The following DACH1 variants were observed in gnomAD, a reference collection of about 807,000 sequenced individuals.
The protein encoded by DACH1 is dachshund family transcription factor 1, also known as dachshund homolog 1.
Under a neutral mutation model 54.2 loss-of-function variants are expected in DACH1, and 12 were observed. The ratio of observed to expected loss-of-function variants is 0.22; its 90% CI spans 0.14 to 0.36. The LOEUF (loss-of-function observed/expected upper bound fraction) is 0.36, where lower values mean the gene tolerates loss of function less well. Among genes scored for constraint, DACH1 ranks in the 10% least tolerant of loss-of-function variants. The pLI, the probability that DACH1 is intolerant of heterozygous loss-of-function variation, is 1.00. For synonymous variants in DACH1, 386 were observed against 366.2 expected (o/e 1.05, Z -0.62); for missense variants, 805 against 929.8 (o/e 0.87, Z 1.75).
chr13:71,826,218 G>A (rs1172695086), intron 1 of DACH1, among the ~76,000 whole-genome samples: 1 of 151,954 alleles, frequency 6.6e-6, no homozygotes, highest in Non-Finnish European at 1.5e-5. Flanking sequence ...TCCTAATCCT[G>A]ATTCTGTATG....
chr13:71,858,905 C>T (rs903618038), intron 1 of DACH1, among the ~76,000 whole-genome samples: 1 of 151,670 alleles, frequency 6.6e-6, no homozygotes, highest in Admixed American at 6.6e-5. Context: ...CTCTCTCTCT[C>T]TCTCTCTCTC....
At chr13:71,759,205 T>G (rs1294856734) in intron 1 of DACH1, among the ~76,000 whole-genome samples, 1 of 151,964 alleles carries the variant, frequency 6.6e-6, no homozygotes, top group East Asian at 1.9e-4. Flanking sequence ...TTAACTATTT[T>G]TGTCCCTAAA....
At chr13:71,615,057 G>A (rs181908136) in intron 3 of DACH1, among the ~76,000 whole-genome samples, 1 of 151,392 alleles carries the variant, frequency 6.6e-6, no homozygotes, top group African/African-American at 2.4e-5. Flanking sequence ...TATATCCCAG[G>A]AAATAATCAA....
intron 1 of DACH1, among the ~76,000 whole-genome samples, chr13:71,716,066 C>G (rs1882951687): frequency 6.6e-6 from 1 of 151,988 alleles, no homozygotes; most frequent in African/African-American, 2.4e-5. Context: ...CATTACATAT[C>G]TCAGAAAATA....
chr13:71,680,893 A>G (rs1186893290), intron 2 of DACH1, among the ~76,000 whole-genome samples: 1 of 152,086 alleles, frequency 6.6e-6, no homozygotes, highest in Non-Finnish European at 1.5e-5. Flanking sequence ...AGAAAAATAC[A>G]ATACTGATAC....
chr13:71,632,416 A>ATT (rs34080454), intron 2 of DACH1, among the ~76,000 whole-genome samples: 26 of 124,680 alleles, frequency 2.1e-4, no homozygotes, highest in South Asian at 7.4e-4. Context: ...AACCCCACCC[A>ATT]TTTTTTTTTT....
intron 10 of DACH1, among the ~76,000 whole-genome samples, chr13:71,447,240 G>A (rs754987177): frequency 1.3e-5 from 2 of 152,116 alleles, no homozygotes; most frequent in Non-Finnish European, 2.9e-5. Context: ...ATGGATCTCA[G>A]ATTTTAATAC....
At chr13:71,625,611 G>A (rs546993801) in intron 3 of DACH1, among the ~76,000 whole-genome samples, 1 of 151,820 alleles carries the variant, frequency 6.6e-6, no homozygotes, top group Non-Finnish European at 1.5e-5. Flanking sequence ...TGAAGGTGAC[G>A]GCTTTATTCT....
intron 7 of DACH1, among the ~76,000 whole-genome samples, chr13:71,484,284 C>T (rs1406927358): frequency 6.6e-6 from 1 of 152,172 alleles, no homozygotes; most frequent in Non-Finnish European, 1.5e-5. Flanking sequence ...GCCTCATCCT[C>T]ATGAATATTA....
chr13:71,677,657 A>G (rs1005822694), intron 2 of DACH1, among the ~76,000 whole-genome samples: 3 of 152,160 alleles, frequency 2.0e-5, no homozygotes, highest in African/African-American at 7.2e-5. Context: ...CCAATGTTCA[A>G]TTCTTGAAAA....
Position 71,799,630 on chromosome 13 carries a change from T to C in DACH1, c.848+66292A>G, listed in dbSNP as rs956898552. Among the ~76,000 whole-genome samples, 3 of 152,104 alleles carry C rather than the reference T, an allele frequency of 2.0e-5. No individual in the cohort carries two copies. In the East Asian group the frequency reaches 5.8e-4, roughly 29 times the overall value. ...TGGCAAGAAAAGAACAGTAGGTTCATTCGGCACCCTGACTGGCATTTCTAT... is the reference window on the plus strand; with the variant it reads ...TGGCAAGAAAAGAACAGTAGGTTCACTCGGCACCCTGACTGGCATTTCTAT... On this transcript the variant is annotated intron_variant, in intron 1 of 10. Coordinates refer to ENST00000613252, the MANE Select transcript of DACH1 (RefSeq NM_080759.6).
chr13:71,855,117 A>G (rs554283173), intron 1 of DACH1, among the ~76,000 whole-genome samples: 49 of 152,208 alleles, frequency 3.2e-4, no homozygotes, highest in Admixed American at 5.2e-4. Flanking sequence ...TTGATTTAGT[A>G]TAATTATTAT....
intron 1 of DACH1, among the ~76,000 whole-genome samples, chr13:71,703,569 T>C (rs1435976464): frequency 2.0e-5 from 3 of 152,332 alleles, no homozygotes; most frequent in African/African-American, 7.2e-5. Context: ...ATAAATAACA[T>C]AATTATTTTT....
At chr13:71,784,664 A>G (rs1886518637) in intron 1 of DACH1, among the ~76,000 whole-genome samples, 1 of 152,066 alleles carries the variant, frequency 6.6e-6, no homozygotes, top group East Asian at 1.9e-4. Context: ...CCTTTTCTTT[A>G]TATATTAGAA....
At position 71,823,606 on chromosome 13, in the gene DACH1, T is replaced by C. The variant is rs572251781; in HGVS notation, c.848+42316A>G. 2.0e-5 allele frequency among the ~76,000 whole-genome samples: 3 copies of C among 152,120 alleles called. No individual in the cohort carries two copies. In the South Asian group the frequency reaches 6.2e-4, roughly 32 times the overall value. Reference sequence around the variant, plus strand: ...AAAGTCATTTAGCATATATCACAGATAGCCAAAGGTAGCATTAAACATAAG... The same window carrying C: ...AAAGTCATTTAGCATATATCACAGACAGCCAAAGGTAGCATTAAACATAAG... On this transcript the variant is annotated intron_variant, in intron 1 of 10. Transcript: ENST00000613252.
chr13:71,553,075 T>C, intron 6 of DACH1, among the ~76,000 whole-genome samples: 1 of 146,586 alleles, frequency 6.8e-6, no homozygotes, highest in Admixed American at 6.9e-5. Flanking sequence ...CATATATATA[T>C]GTGGGATTAG....
chr13:71,502,157 C>T (rs1406949766), intron 6 of DACH1, among the ~76,000 whole-genome samples: 11 of 152,144 alleles, frequency 7.2e-5, no homozygotes, highest in African/African-American at 1.7e-4. Flanking sequence ...AGAGATTTTC[C>T]ATTTCACTCC....
intron 3 of DACH1, among the ~76,000 whole-genome samples, chr13:71,583,576 C>T (rs984088033): frequency 9.2e-5 from 14 of 152,172 alleles, no homozygotes; most frequent in African/African-American, 2.9e-4. Context: ...GGCACAGTGG[C>T]TTACATCTGT....
At chr13:71,645,937 G>A (rs1878233474) in intron 2 of DACH1, among the ~76,000 whole-genome samples, 1 of 152,120 alleles carries the variant, frequency 6.6e-6, no homozygotes, top group African/African-American at 2.4e-5. Context: ...TTTCAAGTTT[G>A]GAAACAAACT....
Sources: gnomAD v4.1 joint callset for allele counts (sites outside exome capture counted in the v4.1 genomes callset) on GRCh38, gnomAD v4.1.1 for gene constraint, MANE v1.5 for transcripts, NCBI Gene and HGNC (gene_info 2026-07-23, HGNC 2026-07-21) for gene names.